SOX6: variants seen among roughly 807,000 people sequenced by gnomAD.
SOX6 encodes the protein SRY-box transcription factor 6, also known as transcription factor SOX-6.
In SOX6, 11 loss-of-function variants were observed where a neutral mutation model predicts 97.8. That is an observed-to-expected ratio of 0.11 (90% CI 0.07 to 0.19). SOX6 has a LOEUF of 0.19. Among genes scored for constraint, SOX6 ranks in the 10% least tolerant of loss-of-function variants. SOX6 has a pLI of 1.00. For synonymous variants in SOX6, 360 were observed against 371.4 expected (o/e 0.97, Z 0.35); for missense variants, 810 against 1,039.5 (o/e 0.78, Z 3.04).
chr11:16,705,188 G>A (rs2134043763), intron 3 of SOX6, among the ~76,000 whole-genome samples: 1 of 151,970 alleles, frequency 6.6e-6, no homozygotes, highest in African/African-American at 2.4e-5. Flanking sequence ...AACCCAGGAG[G>A]TGGAGGTTGC....
At chr11:16,427,609 T>G (rs1471739075) in intron 1 of SOX6, among the ~76,000 whole-genome samples, 1 of 152,140 alleles carries the variant, frequency 6.6e-6, no homozygotes, top group Admixed American at 6.5e-5. Flanking sequence ...AATAGTTTGC[T>G]GAGAATGATG....
chr11:15,973,277 A>G (rs1853372204), intron 15 of SOX6, among the ~76,000 whole-genome samples, 165 bp from the exon 16 acceptor site: 1 of 152,260 alleles, frequency 6.6e-6, no homozygotes, highest in Non-Finnish European at 1.5e-5. Flanking sequence ...CTGGAGGAGT[A>G]CTGCAAATCT....
upstream of SOX6, among the ~76,000 whole-genome samples, chr11:16,359,191 G>T (rs1283449838): frequency 6.6e-6 from 1 of 151,834 alleles, no homozygotes; most frequent in Non-Finnish European, 1.5e-5. Context: ...CGAGAAGTTT[G>T]TCTGGTGGAA....
intron 3 of SOX6, among the ~76,000 whole-genome samples, chr11:16,624,031 T>G (rs1183984430): frequency 6.6e-6 from 1 of 152,222 alleles, no homozygotes; most frequent in Non-Finnish European, 1.5e-5. Context: ...GCTATCACAG[T>G]AGATTAGTTT....
At chr11:16,645,125 A>G (rs1848992386) in intron 3 of SOX6, among the ~76,000 whole-genome samples, 1 of 152,182 alleles carries the variant, frequency 6.6e-6, no homozygotes, top group South Asian at 2.1e-4. Context: ...CATCCTTACA[A>G]TCACAGATTT....
chr11:16,017,960 T>C (rs891820238), intron 12 of SOX6, among the ~76,000 whole-genome samples: 1 of 152,066 alleles, frequency 6.6e-6, no homozygotes, highest in Non-Finnish European at 1.5e-5. Context: ...CATGCAGCAA[T>C]GTGATCAGAC....
chr11:16,513,241 A>C (rs1860907800), intron 4 of SOX6, among the ~76,000 whole-genome samples: 1 of 152,242 alleles, frequency 6.6e-6, no homozygotes, highest in African/African-American at 2.4e-5. Context: ...ACACAAGCTT[A>C]TGAGAGAAAG....
intron 3 of SOX6, among the ~76,000 whole-genome samples, chr11:16,645,417 T>G (rs569777113): frequency 6.6e-6 from 1 of 152,184 alleles, no homozygotes; most frequent in Non-Finnish European, 1.5e-5. Flanking sequence ...TTTCTAGATA[T>G]CAATTTATGT....
At chr11:16,376,329 T>C (rs910836702) in intron 1 of SOX6, among the ~76,000 whole-genome samples, 2 of 151,940 alleles carry the variant, frequency 1.3e-5, no homozygotes, top group Admixed American at 6.6e-5. Flanking sequence ...CCCAAAACAC[T>C]AGCAAGGAGT....
chr11:16,023,871 G>T (rs1855141628), intron 12 of SOX6, among the ~76,000 whole-genome samples: 1 of 152,130 alleles, frequency 6.6e-6, no homozygotes, highest in African/African-American at 2.4e-5. Context: ...GGTCAAGGGA[G>T]ATCCTTAGGC....
intron 6 of SOX6, among the ~76,000 whole-genome samples, chr11:16,174,668 T>C (rs1367462439): frequency 6.6e-6 from 1 of 151,918 alleles, no homozygotes; most frequent in Non-Finnish European, 1.5e-5. Flanking sequence ...AGTATAGACA[T>C]AATTCACAAA....
rs115328443 is a variant in SOX6 at position 16,407,686 on chromosome 11, A to G, written c.-4-66434T>C. Among the ~76,000 whole-genome samples the G allele has an allele frequency of 5.1e-3, 780 of 152,236 alleles. 7 individuals carry two copies. Among genetic ancestry groups the G allele is most frequent in the African/African-American group, 0.018 (740 of 41,532 alleles). On this transcript the variant is annotated intron_variant, in intron 1 of 15. Coordinates refer to the SOX6 transcript ENST00000396356. ...TCTGAGCAATTAAAATAACCAGTGA[A>G]GTGGGTCTCCAAAAGGAGCCTTCAC...
intron 3 of SOX6, among the ~76,000 whole-genome samples, chr11:16,245,247 T>G (rs1325497543): frequency 6.6e-6 from 1 of 151,742 alleles, no homozygotes; most frequent in Non-Finnish European, 1.5e-5. Flanking sequence ...AATTTAAAAA[T>G]GTTTCATATT....
At chr11:16,544,737 C>A (rs143285289) in intron 4 of SOX6, among the ~76,000 whole-genome samples, 107 of 151,732 alleles carry the variant, frequency 7.1e-4, no homozygotes, top group African/African-American at 2.5e-3. Context: ...TTTTAATGTA[C>A]AGTCTTGCAA....
chr11:16,396,669 A>G (rs529449678), intron 1 of SOX6, among the ~76,000 whole-genome samples: 1 of 151,638 alleles, frequency 6.6e-6, no homozygotes, highest in East Asian at 1.9e-4. Flanking sequence ...ATAGAGTTTC[A>G]ATAATATTCA....
rs377195564 is a variant in SOX6, at chr11:15,988,909, T to A, written c.1966+88A>T. 27 of 1,315,116 alleles carry A rather than the reference T, an allele frequency of 2.1e-5. No individual in the cohort carries two copies. The East Asian group carries it at 3.2e-4, about 16-fold the overall frequency. The allele number at this position is 1,315,116 out of a possible 1,614,324, so 81.5% of individuals were successfully genotyped here. On this transcript the variant is annotated intron_variant, in intron 14 of 15. Transcript: ENST00000683767. ...GCGCCCGCCACAATCTCCCTTAGGA[T>A]CCTAGTTATCCCCTTGCTTCCCACC...
At chr11:16,665,462 AG>A (rs1847800184) in intron 3 of SOX6, among the ~76,000 whole-genome samples, 6 of 152,158 alleles carry the variant, frequency 3.9e-5, no homozygotes, top group Admixed American at 6.5e-5. Flanking sequence ...TTGTGGACTA[AG>A]GGGGGAAAAC....
At chr11:16,662,755 A>T (rs568481542) in intron 3 of SOX6, among the ~76,000 whole-genome samples, 1 of 152,304 alleles carries the variant, frequency 6.6e-6, no homozygotes, top group African/African-American at 2.4e-5. Flanking sequence ...GTGCAGTGGC[A>T]TAATCATGGT....
chr11:16,437,103 A>C (rs200778373), intron 1 of SOX6, among the ~76,000 whole-genome samples: 1 of 41,978 alleles, frequency 2.4e-5, no homozygotes, highest in Non-Finnish European at 4.1e-5. Context: ...CAAGAAATTA[A>C]AAAAAAAAAA....
Sources: allele counts gnomAD v4.1 joint callset (sites outside exome capture counted in the v4.1 genomes callset), GRCh38; gene constraint gnomAD v4.1.1; transcripts MANE v1.5; gene names NCBI Gene and HGNC (gene_info 2026-07-23, HGNC 2026-07-21).